The following SH2B3 variants were observed in gnomAD, a reference collection of about 807,000 sequenced individuals.
The protein encoded by SH2B3 is SH2B adaptor protein 3, also known as SH2B adapter protein 3.
In SH2B3, 43 loss-of-function variants were observed where a neutral mutation model predicts 51.9. That is an observed-to-expected ratio of 0.83 (90% CI 0.65 to 1.07). SH2B3 has a LOEUF of 1.07. Ranked by LOEUF, SH2B3 falls within the 50% of genes least tolerant of loss-of-function variation. SH2B3 has a pLI of 0.00. For missense variants in SH2B3, 952 were observed against 834.3 expected (o/e 1.14, Z -1.74); for synonymous variants, 396 against 376.0 (o/e 1.05, Z -0.62).
intron 1 of SH2B3, among the ~76,000 whole-genome samples, chr12:111,412,872 C>T (rs938202098): frequency 6.6e-6 from 1 of 152,216 alleles, no homozygotes; most frequent in Non-Finnish European, 1.5e-5. Flanking sequence ...AGCCCAGCCT[C>T]TCATTTTTGT....
Position 111,435,097 on chromosome 12 carries a change from C to G in SH2B3, c.733-11656C>G. The G allele has an allele frequency of 8.1e-7, 1 of 1,233,022 alleles. No individual in the cohort carries two copies. Among genetic ancestry groups the G allele is most frequent in the Non-Finnish European group, 1.1e-6 (1 of 884,634 alleles). The allele number at this position is 1,233,022 out of a possible 1,614,324, so 76.4% of individuals were successfully genotyped here. On this transcript the variant is annotated intron_variant, in intron 2 of 7. Coordinates refer to ENST00000341259, the MANE Select transcript of SH2B3 (RefSeq NM_005475.3). The surrounding 1 kb of genome is among the most constrained non-coding windows in gnomAD (Gnocchi z 4.8). ...GTGATGAGTCCCCTCTCCTCTGGTG[C>G]ACTCTCCCCACCCGAGACGGGCGAC...
intron 1 of SH2B3, among the ~76,000 whole-genome samples, chr12:111,413,442 G>A (rs1377218049): frequency 1.3e-5 from 2 of 152,212 alleles, no homozygotes; most frequent in Non-Finnish European, 2.9e-5. Flanking sequence ...CAGACGCTCA[G>A]TAAATGCCAT....
In SH2B3 at chr12:111,429,522, C is replaced by A. The variant is rs1009636171; in HGVS notation, c.732+10645C>A. Among the ~76,000 whole-genome samples the A allele has an allele frequency of 3.3e-5, 5 of 152,098 alleles. No homozygotes were observed. The highest frequency in any genetic ancestry group is 1.2e-4 in the African/African-American group (5 of 41,408). ...AATTTTTCTGTATTATTAGTAGAGA[C>A]GCGGTTTCGCCATGTTGGCCAGGCT... On this transcript the variant is annotated intron_variant, in intron 2 of 7. Transcript: ENST00000341259. This position sits in a 1 kb window ranked among gnomAD's most constrained non-coding sequence, Gnocchi z 4.4.
intron 1 of SH2B3, among the ~76,000 whole-genome samples, chr12:111,411,602 T>G (rs956631153): frequency 6.6e-6 from 1 of 152,156 alleles, no homozygotes; most frequent in African/African-American, 2.4e-5. Context: ...TCTCACCGAC[T>G]TGGTGGCTCC....
intron 2 of SH2B3, among the ~76,000 whole-genome samples, chr12:111,443,007 G>T (rs1873585191): frequency 6.6e-6 from 1 of 152,220 alleles, no homozygotes; most frequent in South Asian, 2.1e-4. Context: ...ACTCTAGAAG[G>T]ACCATCCTGG....
chr12:111,422,562 TG>T (rs1159898859), intron 2 of SH2B3, among the ~76,000 whole-genome samples: 28 of 150,416 alleles, frequency 1.9e-4, no homozygotes, highest in East Asian at 7.8e-4. Context: ...AAAGCAGTTT[TG>T]TTTTTTTTTT....
rs982573581 is a variant in SH2B3 at position 111,435,751 on chromosome 12, C to T, written c.733-11002C>T. Among the ~76,000 whole-genome samples the T allele has an allele frequency of 5.3e-5, 8 of 152,306 alleles. No individual in the cohort carries two copies. The highest frequency in any genetic ancestry group is 3.4e-3 in the Middle Eastern group (1 of 294). On this transcript the variant is annotated intron_variant, in intron 2 of 7. Transcript: ENST00000341259. This position sits in a 1 kb window ranked among gnomAD's most constrained non-coding sequence, Gnocchi z 4.8. The stretch of plus-strand genomic sequence containing the variant: ...ACAGCCTGGCACTCGTGGTTTGGGG[C>T]GTCCATGGCCTTGTGGTGGCGAGGC...
At chr12:111,412,286 A>C (rs1870760290) in intron 1 of SH2B3, among the ~76,000 whole-genome samples, 1 of 152,186 alleles carries the variant, frequency 6.6e-6, no homozygotes, top group Non-Finnish European at 1.5e-5. Context: ...CCTCCTGGCC[A>C]AAAAACCTCC....
intron 2 of SH2B3, chr12:111,444,650 C>A: frequency 1.3e-6 from 1 of 757,462 alleles, no homozygotes; most frequent in Non-Finnish European, 1.6e-6. Context: ...CAGCTGCTGA[C>A]ACAGCCCCCA....
intron 2 of SH2B3, chr12:111,443,948 T>A (rs971758287): frequency 6.6e-6 from 1 of 152,228 alleles, no homozygotes; most frequent in African/African-American, 2.4e-5. Flanking sequence ...CCCAGCACTT[T>A]GGGAGGCCAA....
rs546867378 is a variant in SH2B3, at chr12:111,449,123, T to A, written c.*821T>A. The A allele has an allele frequency of 3.9e-5, 6 of 152,792 alleles. No homozygotes were observed. The South Asian group carries it at 1.2e-3, about 32-fold the overall frequency. 9.5% of individuals were successfully genotyped at this position (152,792 alleles called of 1,614,324 possible). ...AAGTATGTCACCCTTTCAGGGAAAT[T>A]CAGGCAATTACTGAAATAGGAGGGT... On this transcript the variant is annotated 3_prime_UTR_variant, in exon 8 of 8. Coordinates refer to ENST00000341259, the MANE Select transcript of SH2B3 (RefSeq NM_005475.3).
rs1027894461 is a variant in SH2B3, at chr12:111,410,473, G to T, written c.-28+4196G>T. Among the ~76,000 whole-genome samples, 1 of 152,196 alleles carries T rather than the reference G, an allele frequency of 6.6e-6. No individual in the cohort carries two copies. The highest frequency in any genetic ancestry group is 2.4e-5 in the African/African-American group (1 of 41,454). On this transcript the variant is annotated intron_variant, in intron 1 of 7. Transcript: ENST00000341259. This position sits in a 1 kb window ranked among gnomAD's most constrained non-coding sequence, Gnocchi z 4.9. ...AGAAGCCACGGCCTTGGGATGGGGG[G>T]CGTGCGGGATTCTGATGGTGCTGCC... is the stretch of plus-strand genomic sequence containing the variant.
chr12:111,447,001 G>T lies in SH2B3; in HGVS notation c.894G>T (p.Trp298Cys). ...EVGDEQQLNS[W>C]MAELSECTGR... The stretch of plus-strand genomic sequence containing the variant: ...GAGACGAGCAGCAGCTGAATTCATG[G>T]ATGGCTGAGCTCTCGGAGTGCACAG... Residue 298 changes from tryptophan to cysteine, a missense_variant, in exon 4 of 8, where the codon TGG becomes TGT. Trp to Cys is a radical substitution (Grantham distance 215, BLOSUM62 -2). Transcript: ENST00000341259. 1 of 1,614,098 alleles carries T rather than the reference G, an allele frequency of 6.2e-7. No individual in the cohort carries two copies. Among genetic ancestry groups the T allele is most frequent in the Non-Finnish European group, 8.5e-7 (1 of 1,179,988 alleles).
Position 111,447,705 on chromosome 12 carries a change from T to A in SH2B3, c.1286T>A (p.Leu429His). The A allele has an allele frequency of 6.2e-7, 1 of 1,613,932 alleles. No individual in the cohort carries two copies. Among genetic ancestry groups the A allele is most frequent in the Non-Finnish European group, 8.5e-7 (1 of 1,179,966 alleles). ...TERGQCRVQHLHFPSVVDMLH... is the reference protein window; with the variant it reads ...TERGQCRVQHHHFPSVVDMLH... Reference sequence around the variant, plus strand: ...CGGGGCCAGTGCCGTGTGCAGCACCTCCACTTTCCCTCGGTCGTGGACATG... The same window carrying A: ...CGGGGCCAGTGCCGTGTGCAGCACCACCACTTTCCCTCGGTCGTGGACATG... Residue 429 changes from leucine to histidine, a missense_variant, in exon 7 of 8, where the codon CTC becomes CAC. Physicochemically the swap from Leu to His is moderately conservative, Grantham distance 99. Transcript: ENST00000341259.
chr12:111,430,959 G>C (rs1872432536), intron 2 of SH2B3, among the ~76,000 whole-genome samples: 1 of 148,520 alleles, frequency 6.7e-6, no homozygotes, highest in Non-Finnish European at 1.5e-5. Flanking sequence ...CCCCCACCCA[G>C]TTCTTTGTGA....
At chr12:111,422,102 C>T (rs1419816232) in intron 2 of SH2B3, among the ~76,000 whole-genome samples, 2 of 152,202 alleles carry the variant, frequency 1.3e-5, no homozygotes, top group Admixed American at 1.3e-4. Context: ...TGTTTTGAGA[C>T]GGAGTCTCGC....
At position 111,429,030 on chromosome 12, in the gene SH2B3, G is replaced by A. The variant is rs1210842338; in HGVS notation, c.732+10153G>A. ...GGCAGGAGTGCGAGGAGGAGGAGGA[G>A]GAGGAGGAGGAGGAGGAAGAGGAGG... On this transcript the variant is annotated intron_variant, in intron 2 of 7. Transcript: ENST00000341259. The surrounding 1 kb of genome is among the most constrained non-coding windows in gnomAD (Gnocchi z 4.4). 6.8e-6 allele frequency among the ~76,000 whole-genome samples: 1 copy of A among 148,116 alleles called. No homozygotes were observed. The highest frequency in any genetic ancestry group is 1.5e-5 in the Non-Finnish European group (1 of 66,294).
At position 111,418,675 on chromosome 12, in the gene SH2B3, G is replaced by T; in HGVS notation, c.530G>T (p.Gly177Val). The T allele has an allele frequency of 6.7e-7, 1 of 1,490,540 alleles. No individual in the cohort carries two copies. The allele number at this position is 1,490,540 out of a possible 1,614,324, so 92.3% of individuals were successfully genotyped here. Residue 177 changes from glycine (G) to valine (V), a missense_variant, in exon 2 of 8, where the codon GGC becomes GTC. By Grantham distance (109) the Gly-to-Val change is moderately radical (BLOSUM62 -3). Transcript: ENST00000341259. This position sits in a 1 kb window ranked among gnomAD's most constrained non-coding sequence, Gnocchi z 6.7. ...GCTGCTGAGACCCCCGCCCGGCCTG[G>T]CCTGGCCAAGAAGTTCCTGCCCTGG... ...GEAAETPARP[G>V]LAKKFLPWSL...
In SH2B3 at chr12:111,422,563, GT is replaced by G. The variant is rs771165348; in HGVS notation, c.732+3698del. Among the ~76,000 whole-genome samples the G allele has an allele frequency of 7.7e-4, 112 of 144,662 alleles. No individual in the cohort carries two copies. The East Asian group carries it at 0.014, about 18-fold the overall frequency. 94.9% of individuals were successfully genotyped at this position (144,662 alleles called of 152,430 possible). ...CTGGCTTTTCATGAAAAGCAGTTTT[GT>G]TTTTTTTTTTTCTTGAGATGGAGTC... On this transcript the variant is annotated intron_variant, in intron 2 of 7. Transcript: ENST00000341259.
Sources: allele counts gnomAD v4.1 joint callset (sites outside exome capture counted in the v4.1 genomes callset), GRCh38; gene constraint gnomAD v4.1.1; non-coding constraint Gnocchi (gnomAD v3.1); transcripts MANE v1.5; gene names NCBI Gene and HGNC (gene_info 2026-07-23, HGNC 2026-07-21).